DOCK4: variants seen among roughly 807,000 people sequenced by gnomAD.
DOCK4 encodes the protein dedicator of cytokinesis 4.
In DOCK4, 97 loss-of-function variants were observed where a neutral mutation model predicts 268.1. That is an observed-to-expected ratio of 0.36 (90% CI 0.31 to 0.43). The LOEUF is 0.43. Ranked by LOEUF, DOCK4 falls within the 20% of genes least tolerant of loss-of-function variation. The pLI, the probability that DOCK4 is intolerant of heterozygous loss-of-function variation, is 1.00. For missense variants in DOCK4, 2,145 were observed against 2,455.7 expected, an observed-to-expected ratio of 0.87 and a Z score of 2.67; for synonymous variants, 954 against 887.2, an observed-to-expected ratio of 1.08 and a Z score of -1.34.
At position 112,066,684 on chromosome 7, in the gene DOCK4, CATATACATATATATATATATATATAT is replaced by C. The variant is rs1807039810; in HGVS notation, c.38-62579_38-62554del. 8.2e-4 allele frequency among the ~76,000 whole-genome samples: 38 copies of C among 46,118 alleles called. 1 individual carries two copies. Among genetic ancestry groups the C allele is most frequent in the Non-Finnish European group, 9.7e-4 (29 of 30,016 alleles). The allele number at this position is 46,118 out of a possible 152,430, so 30.3% of individuals were successfully genotyped here. ...TTATACATATACATATACATATATA[CATATACATATATATATATATATATAT>C]ATATATATATATATATATATATATA... On this transcript the variant is annotated intron_variant, in intron 1 of 52. Coordinates refer to ENST00000428084, the MANE Select transcript of DOCK4 (RefSeq NM_001363540.2).
chr7:112,202,701 T>C (rs1821050206), intron 1 of DOCK4, among the ~76,000 whole-genome samples: 1 of 151,176 alleles, frequency 6.6e-6, no homozygotes, highest in Non-Finnish European at 1.5e-5. Flanking sequence ...TGCACTATGA[T>C]GGCGCCTATG....
rs547832908 is a variant in DOCK4 at position 111,827,538 on chromosome 7, G to C, written c.2836-5082C>G. ...AGAGGGAGGACTGTATCCTGGGAAG[G>C]CTTCATCGAGAAGCTGATACCTGAG... On this transcript the variant is annotated intron_variant, in intron 26 of 52. Coordinates refer to ENST00000428084, the MANE Select transcript of DOCK4 (RefSeq NM_001363540.2). Among the ~76,000 whole-genome samples, 7 of 152,282 alleles carry C rather than the reference G, an allele frequency of 4.6e-5. No individual in the cohort carries two copies. In the South Asian group the frequency reaches 1.0e-3, roughly 23 times the overall value.
At chr7:111,913,058 G>A (rs1431147316) in intron 13 of DOCK4, among the ~76,000 whole-genome samples, 2 of 151,698 alleles carry the variant, frequency 1.3e-5, no homozygotes, top group African/African-American at 2.4e-5. Context: ...CCGCCTCCCG[G>A]GTTCAAGCGA....
intron 1 of DOCK4, among the ~76,000 whole-genome samples, chr7:112,007,168 C>T (rs1035194989): frequency 3.9e-5 from 6 of 152,148 alleles, no homozygotes; most frequent in Non-Finnish European, 8.8e-5. Flanking sequence ...TCAGGACACT[C>T]CGACCACACC....
chr7:112,090,784 AC>A (rs367964741), intron 1 of DOCK4, among the ~76,000 whole-genome samples: 259 of 152,312 alleles, frequency 1.7e-3, no homozygotes, highest in African/African-American at 6.1e-3. Flanking sequence ...GCAAACTGTG[AC>A]CATTGAGACA....
intron 1 of DOCK4, among the ~76,000 whole-genome samples, chr7:112,082,225 TA>T (rs1480337453): frequency 6.6e-6 from 1 of 152,176 alleles, no homozygotes; most frequent in East Asian, 1.9e-4. Context: ...AAATCTATGT[TA>T]ATGCAATCAT....
rs558182395 is a variant in DOCK4, at chr7:112,046,016, T to C, written c.38-41885A>G. Among the ~76,000 whole-genome samples the C allele has an allele frequency of 2.6e-5, 4 of 152,366 alleles. No homozygotes were observed. In the South Asian group the frequency reaches 6.2e-4, roughly 24 times the overall value. On this transcript the variant is annotated intron_variant, in intron 1 of 52. Transcript: ENST00000428084. ...TATAAGTTTATACAGTCATGGCATA[T>C]GGAACTGCTGCTTAGAGAAATCATT...
intron 1 of DOCK4, among the ~76,000 whole-genome samples, chr7:112,098,941 T>C (rs1414652483): frequency 6.6e-6 from 1 of 151,646 alleles, no homozygotes; most frequent in East Asian, 1.9e-4. Flanking sequence ...GGAAAAGAAG[T>C]TTAAATTCTG....
chr7:112,067,143 C>A (rs114245914), intron 1 of DOCK4, among the ~76,000 whole-genome samples: 3,185 of 151,014 alleles, frequency 0.021, 122 homozygotes, highest in African/African-American at 0.073. Context: ...CGTGCCACTG[C>A]ACTCCAGACA....
chr7:111,737,349 TG>T (rs1795577393), intron 49 of DOCK4, among the ~76,000 whole-genome samples: 1 of 152,170 alleles, frequency 6.6e-6, no homozygotes, highest in African/African-American at 2.4e-5. Flanking sequence ...TGGTCTTGAA[TG>T]CCTGGGCTCA....
At chr7:112,138,994 T>C (rs1024126184) in intron 1 of DOCK4, among the ~76,000 whole-genome samples, 2 of 152,212 alleles carry the variant, frequency 1.3e-5, no homozygotes, top group Admixed American at 6.5e-5. Flanking sequence ...TGCAGGTACA[T>C]TGATCTTGGA....
intron 32 of DOCK4, among the ~76,000 whole-genome samples, chr7:111,785,179 G>C (rs576226767): frequency 8.5e-5 from 13 of 152,244 alleles, no homozygotes; most frequent in Non-Finnish European, 1.8e-4. Context: ...GTTAAGAGTG[G>C]AAACTGCATA....
chr7:111,992,008 GAAAA>G (rs1799583522), intron 5 of DOCK4, among the ~76,000 whole-genome samples: 1 of 145,522 alleles, frequency 6.9e-6, no homozygotes, highest in African/African-American at 2.5e-5. Context: ...AGAGCCCCAG[GAAAA>G]AGAGATGTAA....
chr7:111,775,942 G>C (rs906716842), intron 36 of DOCK4, among the ~76,000 whole-genome samples: 2 of 152,202 alleles, frequency 1.3e-5, no homozygotes, highest in East Asian at 3.9e-4. Flanking sequence ...GAGGATCACA[G>C]AGGGGAGGGA....
intron 9 of DOCK4, 125 bp from the exon 10 acceptor site, chr7:111,944,996 G>A (rs1795506051): frequency 1.3e-6 from 1 of 773,276 alleles, no homozygotes; most frequent in Non-Finnish European, 2.2e-6. Flanking sequence ...AATGTTTGTA[G>A]CAGAAGTACA....
At chr7:112,075,823 T>A (rs1405139689) in intron 1 of DOCK4, among the ~76,000 whole-genome samples, 1 of 152,160 alleles carries the variant, frequency 6.6e-6, no homozygotes, top group Admixed American at 6.5e-5. Context: ...TTATGGGAAT[T>A]AGCTCTTCCA....
At chr7:112,138,715 C>A (rs889242253) in intron 1 of DOCK4, among the ~76,000 whole-genome samples, 1 of 152,142 alleles carries the variant, frequency 6.6e-6, no homozygotes, top group Non-Finnish European at 1.5e-5. Flanking sequence ...TTCCTAACCC[C>A]CAATGTGACA....
chr7:112,159,520 C>A (rs542704851), intron 1 of DOCK4, among the ~76,000 whole-genome samples: 2 of 152,246 alleles, frequency 1.3e-5, no homozygotes, highest in Admixed American at 6.5e-5. Flanking sequence ...CAACTACAGA[C>A]AAACGGCCCT....
intron 1 of DOCK4, among the ~76,000 whole-genome samples, chr7:112,079,953 T>C (rs954455999): frequency 6.6e-6 from 1 of 152,186 alleles, no homozygotes; most frequent in Non-Finnish European, 1.5e-5. Flanking sequence ...TACTTTCCTA[T>C]TTCAGATTCC....
Sources: allele counts gnomAD v4.1 joint callset (sites outside exome capture counted in the v4.1 genomes callset), GRCh38; gene constraint gnomAD v4.1.1; transcripts MANE v1.5; gene names NCBI Gene and HGNC (gene_info 2026-07-23, HGNC 2026-07-21).